The following IQCJ variants were observed in gnomAD, a reference collection of about 807,000 sequenced individuals.
IQCJ encodes IQ motif containing J.
A neutral mutation model predicts 11.0 loss-of-function variants in IQCJ; 9 were observed. That is an observed-to-expected ratio of 0.82 (90% CI 0.49 to 1.43). The LOEUF (loss-of-function observed/expected upper bound fraction) is 1.43, where lower values mean the gene tolerates loss of function less well. Among genes scored for constraint, IQCJ ranks in the 40% most tolerant of loss-of-function variants. The pLI is 0.00. For missense variants in IQCJ, 146 were observed against 133.2 expected (o/e 1.10, Z -0.47); for synonymous variants, 55 against 51.3 (o/e 1.07, Z -0.31).
chr3:159,156,967 G>A (rs1721559539), intron 1 of IQCJ, among the ~76,000 whole-genome samples: 1 of 152,180 alleles, frequency 6.6e-6, no homozygotes, highest in South Asian at 2.1e-4. Context: ...ACACCTGGCT[G>A]TTTTTACCAA....
intron 1 of IQCJ, among the ~76,000 whole-genome samples, chr3:159,141,793 G>C (rs1720620050): frequency 6.6e-6 from 1 of 152,102 alleles, no homozygotes; most frequent in African/African-American, 2.4e-5. Flanking sequence ...GATAAATCCT[G>C]CTAGAATCAT....
intron 1 of IQCJ, among the ~76,000 whole-genome samples, chr3:159,223,095 TC>T (rs1725643950): frequency 6.6e-6 from 1 of 152,078 alleles, no homozygotes; most frequent in African/African-American, 2.4e-5. Context: ...AAACAAGACT[TC>T]CAAGTATACA....
intron 1 of IQCJ, among the ~76,000 whole-genome samples, chr3:159,078,157 G>C (rs1324839559): frequency 9.2e-6 from 1 of 109,144 alleles, no homozygotes; most frequent in Admixed American, 9.2e-5. Context: ...GGGGCAAGGA[G>C]CATTGAGTCA....
intron 1 of IQCJ, among the ~76,000 whole-genome samples, chr3:159,243,930 C>A (rs1221864405): frequency 6.6e-6 from 1 of 152,060 alleles, no homozygotes; most frequent in African/African-American, 2.4e-5. Flanking sequence ...AAAGTGGGGT[C>A]AATAAGATTA....
intron 3 of IQCJ, among the ~76,000 whole-genome samples, chr3:159,258,725 T>G (rs1476970701): frequency 6.6e-6 from 1 of 152,204 alleles, no homozygotes; most frequent in Admixed American, 6.5e-5. Flanking sequence ...AAAATAGTAC[T>G]TTCTCATAAA....
At chr3:159,246,271 A>G (rs1012218141) in intron 2 of IQCJ, among the ~76,000 whole-genome samples, 1 of 152,246 alleles carries the variant, frequency 6.6e-6, no homozygotes, top group Non-Finnish European at 1.5e-5. Flanking sequence ...CAGACTGAAC[A>G]TTCAAATTAA....
At chr3:159,077,935 T>G (rs1716044632) in intron 1 of IQCJ, among the ~76,000 whole-genome samples, 2 of 152,058 alleles carry the variant, frequency 1.3e-5, no homozygotes, top group Non-Finnish European at 2.9e-5. Context: ...TATTTTTGAG[T>G]AATTGAGCCA....
At chr3:159,130,845 A>G (rs1382232794) in intron 1 of IQCJ, among the ~76,000 whole-genome samples, 1 of 152,166 alleles carries the variant, frequency 6.6e-6, no homozygotes, top group Non-Finnish European at 1.5e-5. Context: ...TTTTCTATAG[A>G]AATATAGTTT....
intron 1 of IQCJ, among the ~76,000 whole-genome samples, chr3:159,151,316 C>T (rs570009706): frequency 4.9e-4 from 75 of 152,340 alleles, no homozygotes; most frequent in East Asian, 3.7e-3. Context: ...CCCTGTGCTT[C>T]GGAGGCCAGC....
chr3:159,216,248 T>C (rs1416561754), intron 1 of IQCJ, among the ~76,000 whole-genome samples: 1 of 152,154 alleles, frequency 6.6e-6, no homozygotes, highest in Admixed American at 6.5e-5. Flanking sequence ...GAATAGCAAA[T>C]GAGAGATCCT....
chr3:159,160,892 T>C (rs1721811395), intron 1 of IQCJ, among the ~76,000 whole-genome samples: 1 of 152,204 alleles, frequency 6.6e-6, no homozygotes, highest in Admixed American at 6.5e-5. Context: ...TAGTATTCCA[T>C]GGTGTATATA....
chr3:159,205,746 T>G (rs1027194358), intron 1 of IQCJ, among the ~76,000 whole-genome samples: 3 of 152,212 alleles, frequency 2.0e-5, no homozygotes, highest in Non-Finnish European at 1.5e-5. Context: ...GTTTGCTTCA[T>G]GTGAGTACTC....
chr3:159,157,928 A>G (rs1721624273), intron 1 of IQCJ, among the ~76,000 whole-genome samples: 1 of 152,084 alleles, frequency 6.6e-6, no homozygotes, highest in African/African-American at 2.4e-5. Flanking sequence ...GTTGGGCAGC[A>G]GTTTATTTAA....
At chr3:159,258,136 C>T (rs952188900) in intron 3 of IQCJ, among the ~76,000 whole-genome samples, 1 of 152,226 alleles carries the variant, frequency 6.6e-6, no homozygotes, top group South Asian at 2.1e-4. Context: ...AAACTCTGCT[C>T]TTTCCATGAT....
intron 1 of IQCJ, among the ~76,000 whole-genome samples, chr3:159,158,079 ATATT>A (rs1481649744): frequency 6.6e-6 from 1 of 152,226 alleles, no homozygotes; most frequent in African/African-American, 2.4e-5. Context: ...GTCAAAGAGA[ATATT>A]TATTTGTCAT....
chr3:159,230,155 T>G (rs1033548563), intron 1 of IQCJ, among the ~76,000 whole-genome samples: 1 of 152,012 alleles, frequency 6.6e-6, no homozygotes, highest in Admixed American at 6.5e-5. Context: ...TGGTTTTCTG[T>G]TCCTGCATTA....
At chr3:159,079,507 TAC>T (rs1424082965) in intron 1 of IQCJ, among the ~76,000 whole-genome samples, 1 of 152,064 alleles carries the variant, frequency 6.6e-6, no homozygotes, top group Non-Finnish European at 1.5e-5. Context: ...TTTTCTTTAT[TAC>T]ACAGTTTATA....
At chr3:159,106,325 G>A (rs552929534) in intron 1 of IQCJ, among the ~76,000 whole-genome samples, 29 of 152,156 alleles carry the variant, frequency 1.9e-4, no homozygotes, top group Admixed American at 1.6e-3. Context: ...TAGATCTTGA[G>A]ATATAAACAT....
At chr3:159,142,423 T>TC (rs58024504) in intron 1 of IQCJ, among the ~76,000 whole-genome samples, 256 of 129,606 alleles carry the variant, frequency 2.0e-3, no homozygotes, top group Non-Finnish European at 3.6e-3. Context: ...GCAGGTCTTT[T>TC]CCCCCCCCCA....
Sources: allele counts gnomAD v4.1 joint callset (sites outside exome capture counted in the v4.1 genomes callset), GRCh38; gene constraint gnomAD v4.1.1; transcripts MANE v1.5; gene names NCBI Gene and HGNC (gene_info 2026-07-23, HGNC 2026-07-21).